Variants in MACROD2 observed in about 807,000 individuals in gnomAD.
The protein encoded by MACROD2 is mono-ADP ribosylhydrolase 2, also known as ADP-ribose glycohydrolase MACROD2.
Under a neutral mutation model 70.4 loss-of-function variants are expected in MACROD2, and 36 were observed. That is an observed-to-expected ratio of 0.51 (90% confidence interval 0.39 to 0.68). The LOEUF (loss-of-function observed/expected upper bound fraction) is 0.68, where lower values mean the gene tolerates loss of function less well. MACROD2 is among the 30% of genes least tolerant of loss of function. The pLI is 0.00. For synonymous variants in MACROD2, 172 were observed against 178.8 expected, an observed-to-expected ratio of 0.96 and a Z score of 0.30; for missense variants, 496 against 538.4, an observed-to-expected ratio of 0.92 and a Z score of 0.78.
At chr20:15,207,443 T>TTTTG (rs2076720398) in intron 5 of MACROD2, among the ~76,000 whole-genome samples, 1 of 134,456 alleles carries the variant, frequency 7.4e-6, no homozygotes, top group African/African-American at 2.8e-5. Flanking sequence ...CTGGTTTTTT[T>TTTTG]TTTTTTTTTT....
chr20:15,339,596 A>C (rs1188224231), intron 6 of MACROD2, among the ~76,000 whole-genome samples: 1 of 151,764 alleles, frequency 6.6e-6, no homozygotes, highest in Non-Finnish European at 1.5e-5. Flanking sequence ...TTATCAGTGA[A>C]TTTGCAAGCC....
chr20:15,351,805 C>G (rs1427819232), intron 6 of MACROD2, among the ~76,000 whole-genome samples: 2 of 152,176 alleles, frequency 1.3e-5, no homozygotes, highest in East Asian at 3.8e-4. Flanking sequence ...CTTCACTGTA[C>G]CCTCTACTAG....
chr20:15,750,880 A>G (rs534627360), intron 8 of MACROD2, among the ~76,000 whole-genome samples: 2 of 152,128 alleles, frequency 1.3e-5, no homozygotes, highest in Admixed American at 1.3e-4. Flanking sequence ...TAAAAAAAAC[A>G]AAAAACGACA....
chr20:15,289,474 AACTT>A (rs1346941322), intron 6 of MACROD2, among the ~76,000 whole-genome samples: 1 of 152,178 alleles, frequency 6.6e-6, no homozygotes, highest in Admixed American at 6.5e-5. Flanking sequence ...TCAAAGAACA[AACTT>A]AAACTGTTGT....
intron 5 of MACROD2, among the ~76,000 whole-genome samples, chr20:14,764,653 C>A (rs2072061981): frequency 6.6e-6 from 1 of 151,986 alleles, no homozygotes; most frequent in Non-Finnish European, 1.5e-5. Context: ...CCAGACATCC[C>A]AGGTGAAACT....
At chr20:15,858,738 C>T (rs1217974420) in intron 8 of MACROD2, among the ~76,000 whole-genome samples, 1 of 152,188 alleles carries the variant, frequency 6.6e-6, no homozygotes, top group Non-Finnish European at 1.5e-5. Flanking sequence ...TCCATATTGT[C>T]TCTCTGCTTC....
intron 5 of MACROD2, among the ~76,000 whole-genome samples, chr20:14,695,493 C>A (rs1180404900): frequency 6.6e-6 from 1 of 152,210 alleles, no homozygotes; most frequent in African/African-American, 2.4e-5. Context: ...TATCAGGACA[C>A]AGGCATAACT....
intron 8 of MACROD2, among the ~76,000 whole-genome samples, chr20:15,793,349 C>T (rs1327047587): frequency 6.6e-6 from 1 of 152,188 alleles, no homozygotes; most frequent in Non-Finnish European, 1.5e-5. Flanking sequence ...CCAGGTGATA[C>T]TGCTGCCTCT....
intron 5 of MACROD2, among the ~76,000 whole-genome samples, chr20:14,690,941 G>A (rs143393240): frequency 3.2e-4 from 49 of 152,224 alleles, no homozygotes; most frequent in Non-Finnish European, 6.2e-4. Flanking sequence ...TGAGTCAGAC[G>A]GATTCCAGCT....
At chr20:15,635,404 A>G (rs373406323) in intron 8 of MACROD2, among the ~76,000 whole-genome samples, 3 of 152,320 alleles carry the variant, frequency 2.0e-5, no homozygotes, top group South Asian at 2.1e-4. Context: ...TCTATTTTCA[A>G]TTTTTAAAAA....
intron 6 of MACROD2, among the ~76,000 whole-genome samples, chr20:15,396,668 TG>T (rs2045864381): frequency 6.6e-6 from 1 of 152,212 alleles, no homozygotes; most frequent in Admixed American, 6.5e-5. Context: ...TATTTGTTTT[TG>T]TTTGTTTGTT....
rs187659831 is a variant in MACROD2, at chr20:14,541,911, C to A, written c.301+48403C>A. Among the ~76,000 whole-genome samples, 128 of 152,238 alleles carry A rather than the reference C, an allele frequency of 8.4e-4. 1 individual carries two copies. Among genetic ancestry groups the A allele is most frequent in the Admixed American group, 6.3e-3 (97 of 15,288 alleles). ...TGATCATCATAATACTACAGGGGAA[C>A]CACAAGTCATCAAATGGCATGAAAC... On this transcript the variant is annotated intron_variant, in intron 4 of 17. Transcript: ENST00000684519.
At chr20:15,707,019 T>C (rs570934479) in intron 8 of MACROD2, among the ~76,000 whole-genome samples, 1 of 152,286 alleles carries the variant, frequency 6.6e-6, no homozygotes, top group African/African-American at 2.4e-5. Flanking sequence ...TTTACAAAGG[T>C]TATCAACCCT....
chr20:15,171,272 A>G (rs1380062634), intron 5 of MACROD2, among the ~76,000 whole-genome samples: 1 of 140,478 alleles, frequency 7.1e-6, no homozygotes, highest in Non-Finnish European at 1.6e-5. Context: ...CTTCCCCTCT[A>G]TCTCTCTCCC....
At chr20:14,997,303 G>C (rs2074958307) in intron 5 of MACROD2, among the ~76,000 whole-genome samples, 1 of 152,124 alleles carries the variant, frequency 6.6e-6, no homozygotes, top group Non-Finnish European at 1.5e-5. Context: ...GATCTACCCT[G>C]GGCCAGAAGG....
chr20:14,716,435 T>G (rs1376061412), intron 5 of MACROD2, among the ~76,000 whole-genome samples: 1 of 152,160 alleles, frequency 6.6e-6, no homozygotes, highest in Non-Finnish European at 1.5e-5. Context: ...CAATTTCCAT[T>G]TCCTTGGCAG....
chr20:14,539,188 A>G (rs1205569448), intron 4 of MACROD2, among the ~76,000 whole-genome samples: 1 of 152,226 alleles, frequency 6.6e-6, no homozygotes, highest in African/African-American at 2.4e-5. Context: ...TGTGTACAAT[A>G]TTTTGAGCTA....
intron 3 of MACROD2, among the ~76,000 whole-genome samples, chr20:14,456,713 C>CTT (rs10696382): frequency 0.29 from 29,142 of 101,062 alleles, 6,132 homozygotes; most frequent in South Asian, 0.58. Flanking sequence ...GACTCAGGAT[C>CTT]TTTTTTTTTT....
chr20:14,225,004 G>C (rs888565686), intron 3 of MACROD2, among the ~76,000 whole-genome samples: 4 of 152,178 alleles, frequency 2.6e-5, no homozygotes, highest in African/African-American at 9.7e-5. Context: ...TTAAATTCCA[G>C]ACGTTATTTT....
Sources: allele counts gnomAD v4.1 joint callset (sites outside exome capture counted in the v4.1 genomes callset), GRCh38; gene constraint gnomAD v4.1.1; transcripts MANE v1.5; gene names NCBI Gene and HGNC (gene_info 2026-07-23, HGNC 2026-07-21).